Variants in ZSWIM3 observed in about 807,000 individuals in gnomAD.
ZSWIM3 encodes the protein zinc finger SWIM-type containing 3, also known as zinc finger SWIM domain-containing protein 3.
A neutral mutation model predicts 47.5 loss-of-function variants in ZSWIM3; 27 were observed. The observed-to-expected ratio is 0.57, with a 90% CI of 0.42 to 0.78. The LOEUF (loss-of-function observed/expected upper bound fraction) is 0.78, where lower values mean the gene tolerates loss of function less well. Among genes scored for constraint, ZSWIM3 ranks in the 30% least tolerant of loss-of-function variants. The pLI is 0.00. For missense variants in ZSWIM3, 689 were observed against 861.3 expected (o/e 0.80, Z 2.50); for synonymous variants, 333 against 333.9 (o/e 1.00, Z 0.03).
chr20:45,875,150 C>T (rs1568748748), intron 1 of ZSWIM3, among the ~76,000 whole-genome samples: 1 of 145,358 alleles, frequency 6.9e-6, no homozygotes, highest in Non-Finnish European at 1.5e-5. Flanking sequence ...TCACGCCATT[C>T]TCCTGCCTCA....
At chr20:45,865,768 C>T (rs935724933) in intron 1 of ZSWIM3, among the ~76,000 whole-genome samples, 5 of 151,770 alleles carry the variant, frequency 3.3e-5, no homozygotes, top group African/African-American at 4.8e-5. Flanking sequence ...GAGGCCGAGG[C>T]GGGCAGATCA....
At chr20:45,870,409 A>G (rs1437055216) in intron 1 of ZSWIM3, among the ~76,000 whole-genome samples, 1 of 152,272 alleles carries the variant, frequency 6.6e-6, no homozygotes, top group Admixed American at 6.5e-5. Context: ...AATTGGGCCA[A>G]TATCCATGCC....
At chr20:45,872,539 T>C (rs1985997225) in intron 1 of ZSWIM3, 3 of 382,254 alleles carry the variant, frequency 7.8e-6, no homozygotes. Flanking sequence ...TGGGTGCACG[T>C]AGTCCTGAAG....
At chr20:45,870,339 CA>C (rs11473047) in intron 1 of ZSWIM3, among the ~76,000 whole-genome samples, 136 of 143,698 alleles carry the variant, frequency 9.5e-4, no homozygotes, top group African/African-American at 2.8e-3. Context: ...GACTCCGTCT[CA>C]AAAAAAAAAA....
chr20:45,867,707 A>C (rs1357055922), intron 1 of ZSWIM3, among the ~76,000 whole-genome samples: 2 of 152,278 alleles, frequency 1.3e-5, no homozygotes, highest in African/African-American at 4.8e-5. Context: ...CTTTATGCCC[A>C]GTTTCCCCTC....
chr20:45,861,644 A>G (rs916652043), intron 1 of ZSWIM3, among the ~76,000 whole-genome samples: 3 of 152,100 alleles, frequency 2.0e-5, no homozygotes, highest in Non-Finnish European at 2.9e-5. Context: ...GGAGGGTCAT[A>G]GTTTACTGTA....
chr20:45,874,504 T>A (rs748527042), intron 1 of ZSWIM3, among the ~76,000 whole-genome samples: 3 of 152,154 alleles, frequency 2.0e-5, no homozygotes, highest in African/African-American at 7.2e-5. Context: ...AGAGTGAGAC[T>A]TTAATTTCAA....
intron 1 of ZSWIM3, among the ~76,000 whole-genome samples, chr20:45,870,353 C>G (rs112241548): frequency 0.012 from 1,729 of 145,156 alleles, 45 homozygotes; most frequent in African/African-American, 0.04. Flanking sequence ...AAAAAAAAAG[C>G]CTTCCTTGGT....
At position 45,878,231 on chromosome 20, in the gene ZSWIM3, A is replaced by G; in HGVS notation, c.1673A>G (p.His558Arg). 6.2e-7 allele frequency: 1 copy of G among 1,613,948 alleles called. No homozygotes were observed. Among genetic ancestry groups the G allele is most frequent in the Non-Finnish European group, 8.5e-7 (1 of 1,179,986 alleles). Residue 558 changes from histidine (H) to arginine (R), a missense_variant, in exon 2 of 2, where the codon CAC becomes CGC. Coordinates refer to ENST00000255152, the MANE Select transcript of ZSWIM3 (RefSeq NM_080752.4). ...SCSCSFQQWY[H>R]LPCRHILALL... is the part of the protein sequence containing the mutation. ...AGCTGTTCCTTTCAACAATGGTACC[A>G]CCTGCCATGCCGACACATTTTGGCT...
chr20:45,868,302 G>T (rs569682327), intron 1 of ZSWIM3, among the ~76,000 whole-genome samples: 1 of 152,314 alleles, frequency 6.6e-6, no homozygotes, highest in South Asian at 2.1e-4. Context: ...AAAAGTAGAG[G>T]ATTTGCCTAG....
At chr20:45,876,592 G>A in intron 1 of ZSWIM3, 122 bp from the exon 2 acceptor site, 1 of 1,224,358 alleles carries the variant, frequency 8.2e-7, no homozygotes, top group Non-Finnish European at 1.1e-6. Context: ...TCCCACCTCA[G>A]CCTCCCAAAG....
At chr20:45,860,558 C>T (rs1038735211) in intron 1 of ZSWIM3, among the ~76,000 whole-genome samples, 1 of 151,380 alleles carries the variant, frequency 6.6e-6, no homozygotes, top group Non-Finnish European at 1.5e-5. Context: ...TTTCCTTTTC[C>T]ACCTCCTAGA....
intron 1 of ZSWIM3, among the ~76,000 whole-genome samples, chr20:45,875,142 A>G (rs1165580596): frequency 7.1e-6 from 1 of 141,236 alleles, no homozygotes; most frequent in Non-Finnish European, 1.5e-5. Context: ...TCCCGGGTTC[A>G]CGCCATTCTC....
At chr20:45,862,736 C>A (rs1985740124) in intron 1 of ZSWIM3, among the ~76,000 whole-genome samples, 1 of 152,190 alleles carries the variant, frequency 6.6e-6, no homozygotes, top group African/African-American at 2.4e-5. Flanking sequence ...AAGTTATACA[C>A]CCATCTCAGC....
At chr20:45,870,637 G>A (rs952365088) in intron 1 of ZSWIM3, among the ~76,000 whole-genome samples, 1 of 151,906 alleles carries the variant, frequency 6.6e-6, no homozygotes, top group Admixed American at 6.6e-5. Context: ...GAAATTGGAG[G>A]CTTAGAGGAA....
At chr20:45,866,039 G>T (rs1224227332) in intron 1 of ZSWIM3, among the ~76,000 whole-genome samples, 1 of 151,570 alleles carries the variant, frequency 6.6e-6, no homozygotes, top group Non-Finnish European at 1.5e-5. Flanking sequence ...AGGCTAGGGG[G>T]CATGCCTGTT....
At chr20:45,864,817 C>T (rs529681895) in intron 1 of ZSWIM3, among the ~76,000 whole-genome samples, 257 of 151,808 alleles carry the variant, frequency 1.7e-3, no homozygotes, top group African/African-American at 5.7e-3. Flanking sequence ...GCTGAGATCA[C>T]GCCACTGCAC....
chr20:45,876,473 G>A (rs563866091), intron 1 of ZSWIM3, among the ~76,000 whole-genome samples: 1 of 151,902 alleles, frequency 6.6e-6, no homozygotes, highest in Non-Finnish European at 1.5e-5. Context: ...TGAATAGCTG[G>A]GACCACAGGA....
In ZSWIM3 at chr20:45,877,140, G is replaced by A; in HGVS notation, c.582G>A (p.Val194=). Residue 194 remains valine (V), a synonymous_variant, in exon 2 of 2, where the codon GTG becomes GTA. Transcript: ENST00000255152. ...AGGGTTCCATGGCTTCCTTCAGTGT[G>A]GGTGACAGCCAGCACCTGGACCGGC... The part of the protein sequence containing the change: ...VDEGSMASFS[V]GDSQHLDRLS... 6.2e-7 allele frequency: 1 copy of A among 1,614,166 alleles called. No homozygotes were observed. Among genetic ancestry groups the A allele is most frequent in the Non-Finnish European group, 8.5e-7 (1 of 1,180,042 alleles).
Sources: gnomAD v4.1 joint callset for allele counts (sites outside exome capture counted in the v4.1 genomes callset) on GRCh38, gnomAD v4.1.1 for gene constraint, MANE v1.5 for transcripts, NCBI Gene and HGNC (gene_info 2026-07-23, HGNC 2026-07-21) for gene names.